The following IRX6 variants were observed in gnomAD, a reference collection of about 807,000 sequenced individuals.
IRX6 encodes the protein iroquois homeobox 6.
Under a neutral mutation model 47.7 loss-of-function variants are expected in IRX6, and 46 were observed. The ratio of observed to expected loss-of-function variants is 0.96; its 90% CI spans 0.76 to 1.23. The LOEUF (loss-of-function observed/expected upper bound fraction) is 1.23, where lower values mean the gene tolerates loss of function less well. Among genes scored for constraint, IRX6 ranks in the 50% most tolerant of loss-of-function variants. The pLI, the probability that IRX6 is intolerant of heterozygous loss-of-function variation, is 0.00. For missense variants in IRX6, 722 were observed against 588.0 expected (o/e 1.23, Z -2.36); for synonymous variants, 265 against 246.2 (o/e 1.08, Z -0.72).
chr16:55,328,925 T>C lies in IRX6; in HGVS notation c.947T>C (p.Phe316Ser). ...GAGTGCGGCCTGGCTGCGCCCCGCT[T>C]CTCCTTCAATGACCCTTCCGGATCG... ...RRECGLAAPR[F>S]SFNDPSGSEE... The change falls in exon 5 of 6, where the codon TTC (phenylalanine) becomes TCC (serine). Residue 316 changes from phenylalanine (F) to serine (S), a missense_variant. By Grantham distance (155) the Phe-to-Ser change is radical. Transcript: ENST00000290552. The C allele has an allele frequency of 6.2e-7, 1 of 1,613,212 alleles. No individual in the cohort carries two copies.
intron 4 of IRX6, among the ~76,000 whole-genome samples, chr16:55,328,464 GCT>G (rs761616787): frequency 0.31 from 47,033 of 151,996 alleles, 7,417 homozygotes; most frequent in East Asian, 0.47. Flanking sequence ...GGCACTGCTC[GCT>G]AGAGGAGGAG....
At position 55,324,687 on chromosome 16, in the gene IRX6, G is replaced by A. The variant is rs1423480931; in HGVS notation, c.-405G>A. ...ACGCTTGGTGGCCCAGGGTCCCGGG[G>A]CCCGGGGTCCCGTCTGGCGGCCCGG... On this transcript the variant is annotated 5_prime_UTR_variant, in exon 1 of 6. Coordinates refer to ENST00000290552, the MANE Select transcript of IRX6 (RefSeq NM_024335.3). The surrounding 1 kb of genome is among the most constrained non-coding windows in gnomAD (Gnocchi z 4.4). 9.1e-6 allele frequency: 2 copies of A among 218,834 alleles called. No homozygotes were observed. Among genetic ancestry groups the A allele is most frequent in the Non-Finnish European group, 9.1e-6 (1 of 109,966 alleles). 13.6% of individuals were successfully genotyped at this position (218,834 alleles called of 1,614,324 possible).
In IRX6 at chr16:55,326,584, T is replaced by C. The variant is rs1960532221; in HGVS notation, c.294T>C (p.Tyr98=). The C allele has an allele frequency of 6.4e-7, 1 of 1,552,114 alleles. No individual in the cohort carries two copies. The highest frequency in any genetic ancestry group is 8.7e-7 in the Non-Finnish European group (1 of 1,145,846). The change falls in exon 2 of 6, where the codon TAT becomes TAC. Residue 98 remains tyrosine, a synonymous_variant. Transcript: ENST00000290552. ...LPYSPEPPSL[Y]GALNPQYEFK... ...ATAGCCCAGAGCCCCCCTCACTGTA[T>C]GGGGCACTGGTGAGTACAGGGGTGG...
chr16:55,326,743 C>A, intron 2 of IRX6, 150 bp downstream of exon 2: 1 of 714,054 alleles, frequency 1.4e-6, no homozygotes, highest in Non-Finnish European at 2.2e-6. Flanking sequence ...TTACAGTTTG[C>A]AGAACTTCAT....
intron 1 of IRX6, among the ~76,000 whole-genome samples, chr16:55,325,538 A>AAGGAAGGAAG (rs1960502350): frequency 1.5e-5 from 1 of 67,068 alleles, no homozygotes; most frequent in East Asian, 7.1e-4. Flanking sequence ...AAGGAGAGAG[A>AAGGAAGGAAG]GAGAGAGAGA....
chr16:55,324,925 G>C lies in IRX6; in HGVS notation c.-167G>C. 1 of 671,578 alleles carries C rather than the reference G, an allele frequency of 1.5e-6. No homozygotes were observed. Among genetic ancestry groups the C allele is most frequent in the East Asian group, 2.8e-5 (1 of 36,176 alleles). 41.6% of individuals were successfully genotyped at this position (671,578 alleles called of 1,614,324 possible). On this transcript the variant is annotated 5_prime_UTR_variant, in exon 1 of 6. Coordinates refer to ENST00000290552, the MANE Select transcript of IRX6 (RefSeq NM_024335.3). This position sits in a 1 kb window ranked among gnomAD's most constrained non-coding sequence, Gnocchi z 4.4. ...TCCGGAGCGCAGGGCTCGGCAGCCG[G>C]GCTGCCCTCGGCTCTGCCTCCACTG...
chr16:55,330,088 G>C (rs1960616314), intron 5 of IRX6, among the ~76,000 whole-genome samples: 1 of 152,220 alleles, frequency 6.6e-6, no homozygotes, highest in South Asian at 2.1e-4. Flanking sequence ...TCTGCTCTTT[G>C]TAGTAATTTC....
Position 55,325,047 on chromosome 16 carries a change from C to G in IRX6, c.-45C>G. 6.2e-7 allele frequency: 1 copy of G among 1,604,578 alleles called. No individual in the cohort carries two copies. Among genetic ancestry groups the G allele is most frequent in the Non-Finnish European group, 8.5e-7 (1 of 1,171,618 alleles). ...GGGGCGCGGAACAGCTGGGCTGAGA[C>G]GGGAACTCGACAGGGAAGAGAGAGA... On this transcript the variant is annotated 5_prime_UTR_variant, in exon 1 of 6. Coordinates refer to ENST00000290552, the MANE Select transcript of IRX6 (RefSeq NM_024335.3).
intron 2 of IRX6, 105 bp from the exon 3 acceptor site, chr16:55,327,191 G>A (rs1273398297): frequency 1.3e-6 from 1 of 774,850 alleles, no homozygotes; most frequent in Non-Finnish European, 2.2e-6. Flanking sequence ...AGGTCACACG[G>A]CCAGTACCAG....
chr16:55,325,509 AGGAAGGAAGGAAGGAAGGAAGG>A (rs1960496558), intron 1 of IRX6, among the ~76,000 whole-genome samples: 1 of 23,552 alleles, frequency 4.2e-5, no homozygotes, highest in Admixed American at 3.9e-4. Flanking sequence ...GAAGGAAGGA[AGGAAGGAAGGAAGGAAGGAAGG>A]AGAGAGAGAG....
Position 55,327,779 on chromosome 16 carries a change from C to G in IRX6, c.607C>G (p.Arg203Gly). ...CACCTGGTTCGCCAACGCACGCCGG[C>G]GCCTCAAGAAAGAGAACAAAATGAC... ...VSTWFANARR[R>G]LKKENKMTWA... Residue 203 changes from arginine to glycine, a missense_variant, in exon 4 of 6, where the codon CGC (arginine) becomes GGC (glycine). By Grantham distance (125) the Arg-to-Gly change is moderately radical. Transcript: ENST00000290552. 6 of 1,612,470 alleles carry G rather than the reference C, an allele frequency of 3.7e-6. No individual in the cohort carries two copies. The highest frequency in any genetic ancestry group is 4.2e-6 in the Non-Finnish European group (5 of 1,179,888).
chr16:55,326,032 T>G, intron 1 of IRX6: 10 of 371,600 alleles, frequency 2.7e-5, no homozygotes, highest in African/African-American at 6.2e-5. Flanking sequence ...AGCAGAGGGT[T>G]TGGTGTCTTT....
chr16:55,327,330 G>A lies in IRX6; in HGVS notation c.338G>A (p.Ser113Asn), dbSNP rs1960548525. 1 of 1,613,966 alleles carries A rather than the reference G, an allele frequency of 6.2e-7. No individual in the cohort carries two copies. The highest frequency in any genetic ancestry group is 8.5e-7 in the Non-Finnish European group (1 of 1,179,894). Residue 113 changes from serine to asparagine, a missense_variant, in exon 3 of 6, where the codon AGT becomes AAT. Ser to Asn is a conservative substitution (Grantham distance 46, BLOSUM62 1). Transcript: ENST00000290552. ...TATGAATTTAAGGAGGCTGCAGGGA[G>A]TTTTACATCCAGCCTGGCACAACCA... Reference protein sequence around the residue: ...PQYEFKEAAGSFTSSLAQPGA... With the variant: ...PQYEFKEAAGNFTSSLAQPGA...
At position 55,328,817 on chromosome 16, in the gene IRX6, AC is replaced by A. The variant is rs1294666159; in HGVS notation, c.840del (p.Asp280GlufsTer3). 6.2e-7 allele frequency: 1 copy of A among 1,613,018 alleles called. No homozygotes were observed. The highest frequency in any genetic ancestry group is 1.7e-5 in the Admixed American group (1 of 60,022). ...EDEEVVATAG[D>X]RLTEFRKGAQ... is the part of the protein sequence containing the mutation. ...GAGGAGGTAGTGGCCACAGCTGGGG[AC>A]AGGCTGACGGAGTTCCGAAAGGGCG... is the stretch of plus-strand genomic sequence containing the variant. On this transcript the variant is annotated frameshift_variant, in exon 5 of 6. Coordinates refer to ENST00000290552, the MANE Select transcript of IRX6 (RefSeq NM_024335.3). LOFTEE classifies it high-confidence loss of function.
rs755582956 is a variant in IRX6, at chr16:55,330,325, GA to G, written c.*23del. ...GGTTAGCGCAATGGCTGCGATTTGC[GA>G]AAGAATCTTGGAAATGGGCCCCACG... On this transcript the variant is annotated 3_prime_UTR_variant, in exon 6 of 6. Transcript: ENST00000290552. 18 of 1,613,050 alleles carry G rather than the reference GA, an allele frequency of 1.1e-5. No individual in the cohort carries two copies. The highest frequency in any genetic ancestry group is 3.4e-6 in the Non-Finnish European group (4 of 1,179,104).
chr16:55,329,969 T>G (rs1299203358), intron 5 of IRX6, among the ~76,000 whole-genome samples: 3 of 152,186 alleles, frequency 2.0e-5, no homozygotes, highest in Admixed American at 2.0e-4. Context: ...CAGTGTCCCC[T>G]GATGCTGGCT....
chr16:55,327,612 C>CCGGT lies in IRX6; in HGVS notation c.443_446dup (p.Arg150SerfsTer28), dbSNP rs769669642. The CCGGT allele has an allele frequency of 6.2e-7, 1 of 1,607,416 alleles. No individual in the cohort carries two copies. Among genetic ancestry groups the CCGGT allele is most frequent in the Non-Finnish European group, 8.5e-7 (1 of 1,177,438 alleles). ...TATGGCGCAGTGGAATTGAGTGGCG[C>CCGGT]CGGTCGCCGAAAGAACGCGACCCGG... On this transcript the variant is annotated frameshift_variant, in exon 4 of 6. Coordinates refer to ENST00000290552, the MANE Select transcript of IRX6 (RefSeq NM_024335.3). LOFTEE classifies it high-confidence loss of function.
At position 55,328,921 on chromosome 16, in the gene IRX6, C is replaced by T. The variant is rs373583454; in HGVS notation, c.943C>T (p.Arg315Cys). 47 of 1,613,310 alleles carry T rather than the reference C, an allele frequency of 2.9e-5. 2 individuals carry two copies. The South Asian group carries it at 3.8e-4, about 13-fold the overall frequency. Residue 315 changes from arginine (R) to cysteine (C), a missense_variant, in exon 5 of 6, where the codon CGC (arginine) becomes TGC (cysteine). Coordinates refer to ENST00000290552, the MANE Select transcript of IRX6 (RefSeq NM_024335.3). Reference protein sequence around the residue: ...ERRECGLAAPRFSFNDPSGSE... With the variant: ...ERRECGLAAPCFSFNDPSGSE... Reference sequence around the variant, plus strand: ...CAGGGAGTGCGGCCTGGCTGCGCCCCGCTTCTCCTTCAATGACCCTTCCGG... The same window carrying T: ...CAGGGAGTGCGGCCTGGCTGCGCCCTGCTTCTCCTTCAATGACCCTTCCGG...
At position 55,330,464 on chromosome 16, in the gene IRX6, G is replaced by T. The variant is rs576211807; in HGVS notation, c.*159G>T. The T allele has an allele frequency of 2.1e-5, 16 of 746,490 alleles. No individual in the cohort carries two copies. Among genetic ancestry groups the T allele is most frequent in the Non-Finnish European group, 3.5e-5 (15 of 425,900 alleles). 46.2% of individuals were successfully genotyped at this position (746,490 alleles called of 1,614,324 possible). On this transcript the variant is annotated 3_prime_UTR_variant, in exon 6 of 6. Coordinates refer to ENST00000290552, the MANE Select transcript of IRX6 (RefSeq NM_024335.3). The stretch of plus-strand genomic sequence containing the variant: ...ACCCTCCTAGCAGCTGTCCTTGCAC[G>T]CAGAGCTGGGGTGGTGGGCCGACTT...
Sources: gnomAD v4.1 joint callset for allele counts (sites outside exome capture counted in the v4.1 genomes callset) on GRCh38, gnomAD v4.1.1 for gene constraint, Gnocchi (gnomAD v3.1) non-coding constraint, MANE v1.5 for transcripts, NCBI Gene and HGNC (gene_info 2026-07-23, HGNC 2026-07-21) for gene names.